CCDC141: variants seen among roughly 807,000 people sequenced by gnomAD.
CCDC141 encodes the protein coiled-coil domain-containing protein 141.
In CCDC141, 168 loss-of-function variants were observed where a neutral mutation model predicts 181.0. The observed-to-expected ratio is 0.93, with a 90% CI of 0.82 to 1.05. The LOEUF is 1.05. Among genes scored for constraint, CCDC141 ranks in the 50% least tolerant of loss-of-function variants. The probability of loss-of-function intolerance (pLI) is 0.00; values close to 1 mark genes in which losing one functional copy is unlikely to be tolerated. For missense variants in CCDC141, 1,902 were observed against 1,788.5 expected, an observed-to-expected ratio of 1.06 and a Z score of -1.14; for synonymous variants, 666 against 642.3, an observed-to-expected ratio of 1.04 and a Z score of -0.56.
chr2:178,940,022 T>C (rs1689444325), intron 6 of CCDC141, among the ~76,000 whole-genome samples: 1 of 152,106 alleles, frequency 6.6e-6, no homozygotes, highest in South Asian at 2.1e-4. Context: ...ATTTAATATG[T>C]TAAAAAGAAT....
intron 4 of CCDC141, among the ~76,000 whole-genome samples, chr2:178,969,820 A>C (rs1690804438): frequency 6.6e-6 from 1 of 152,250 alleles, no homozygotes; most frequent in South Asian, 2.1e-4. Context: ...AAATAGGAAG[A>C]GAAGAAGTCA....
intron 8 of CCDC141, among the ~76,000 whole-genome samples, chr2:178,897,381 A>G (rs1236113529): frequency 6.6e-6 from 1 of 152,230 alleles, no homozygotes; most frequent in Non-Finnish European, 1.5e-5. Context: ...CATGCACAAT[A>G]TCAACCAAAG....
intron 8 of CCDC141, among the ~76,000 whole-genome samples, chr2:178,903,381 G>T (rs1687799898): frequency 6.6e-6 from 1 of 152,012 alleles, no homozygotes; most frequent in Non-Finnish European, 1.5e-5. Flanking sequence ...TGATAGACTG[G>T]ATTAAGAAAA....
chr2:178,930,259 A>T lies in CCDC141; in HGVS notation c.898-11352T>A, dbSNP rs533331728. The stretch of plus-strand genomic sequence containing the variant: ...CCTAGGAATAAATTTAATCAAGGAG[A>T]TGGAAAACTTATACAAGGAAAATTA... On this transcript the variant is annotated intron_variant, in intron 6 of 23. Coordinates refer to ENST00000443758, the MANE Select transcript of CCDC141 (RefSeq NM_173648.4). Among the ~76,000 whole-genome samples, 8 of 152,232 alleles carry T rather than the reference A, an allele frequency of 5.3e-5. No individual in the cohort carries two copies. The East Asian group carries it at 1.5e-3, about 29-fold the overall frequency.
chr2:178,860,819 T>C (rs547543918), intron 17 of CCDC141, among the ~76,000 whole-genome samples: 1 of 152,156 alleles, frequency 6.6e-6, no homozygotes, highest in South Asian at 2.1e-4. Context: ...TCTTAAATTG[T>C]AGGTAGCAAC....
intron 22 of CCDC141, among the ~76,000 whole-genome samples, chr2:178,841,877 C>T (rs1267288297): frequency 6.6e-6 from 1 of 152,222 alleles, no homozygotes; most frequent in Non-Finnish European, 1.5e-5. Context: ...AGGCGATCTA[C>T]CCGCCTTGGC....
chr2:179,043,982 A>G (rs112530207), intron 2 of CCDC141, among the ~76,000 whole-genome samples: 5,515 of 152,354 alleles, frequency 0.036, 104 homozygotes, highest in South Asian at 0.058. Flanking sequence ...ATCAACGTGC[A>G]AAAACCGCTA....
chr2:179,022,709 A>C (rs188022037), intron 2 of CCDC141, among the ~76,000 whole-genome samples: 30 of 152,332 alleles, frequency 2.0e-4, no homozygotes, highest in African/African-American at 7.0e-4. Context: ...TGAGTCTACC[A>C]GGGTCATTTT....
In CCDC141 at chr2:178,905,339, C is replaced by A; in HGVS notation, c.1255G>T (p.Asp419Tyr). ...ATCAACTTTACTCACCTGCAGGAGTCTACTTGGCTGATTAAGGTTTGTCCC... is the reference window on the plus strand; with the variant it reads ...ATCAACTTTACTCACCTGCAGGAGTATACTTGGCTGATTAAGGTTTGTCCC... ...QKGQTLISQV[D>Y]SCSSQVSGIH... The change falls in exon 8 of 24, where the codon GAC becomes TAC. Residue 419 changes from aspartate (D) to tyrosine (Y), a missense_variant. Coordinates refer to ENST00000443758, the MANE Select transcript of CCDC141 (RefSeq NM_173648.4). The A allele has an allele frequency of 6.5e-7, 1 of 1,548,754 alleles. No homozygotes were observed. Among genetic ancestry groups the A allele is most frequent in the South Asian group, 1.2e-5 (1 of 83,430 alleles).
At position 178,833,463 on chromosome 2, in the gene CCDC141, T is replaced by C. The variant is rs914439458; in HGVS notation, c.*710A>G. Reference sequence around the variant, plus strand: ...CACATTGCTGCTCAAAACACATCAATAGAATGTCAGGAATAACGTTGGTTC... The same window carrying C: ...CACATTGCTGCTCAAAACACATCAACAGAATGTCAGGAATAACGTTGGTTC... On this transcript the variant is annotated 3_prime_UTR_variant, in exon 24 of 24. Transcript: ENST00000443758. 6.6e-6 allele frequency: 1 copy of C among 152,200 alleles called. No homozygotes were observed. Among genetic ancestry groups the C allele is most frequent in the African/African-American group, 2.4e-5 (1 of 41,448 alleles). The allele number at this position is 152,200 out of a possible 1,614,324, so 9.4% of individuals were successfully genotyped here. A position where few individuals can be genotyped will look rare whatever the true frequency, so the allele number is the denominator to read the frequency against.
intron 5 of CCDC141, among the ~76,000 whole-genome samples, chr2:178,960,900 G>T (rs960995817): frequency 2.0e-5 from 3 of 152,156 alleles, no homozygotes; most frequent in South Asian, 2.1e-4. Context: ...TAAGAAAATT[G>T]CAATTAACAT....
chr2:178,844,262 G>A (rs1684844069), intron 22 of CCDC141, among the ~76,000 whole-genome samples: 1 of 152,138 alleles, frequency 6.6e-6, no homozygotes, highest in Non-Finnish European at 1.5e-5. Context: ...TTAAGAAAAT[G>A]TGGTGCATTT....
chr2:178,820,110 C>A, the CCDC141 span, among the ~76,000 whole-genome samples: 8 of 152,306 alleles, frequency 5.3e-5, no homozygotes, highest in South Asian at 1.7e-3. Context: ...TGTTCCATAA[C>A]ACGGCAGTTG....
At chr2:178,947,605 G>GGT (rs934918387) in intron 5 of CCDC141, among the ~76,000 whole-genome samples, 6 of 152,050 alleles carry the variant, frequency 3.9e-5, no homozygotes, top group Non-Finnish European at 5.9e-5. Flanking sequence ...CTTTGTGTGT[G>GGT]GTGTGTGTGT....
At chr2:178,903,795 C>G (rs1687826752) in intron 8 of CCDC141, among the ~76,000 whole-genome samples, 1 of 151,424 alleles carries the variant, frequency 6.6e-6, no homozygotes. Flanking sequence ...AAGAAAGGAA[C>G]CTTTCCACAG....
At chr2:178,973,407 A>G (rs6751992) in intron 4 of CCDC141, among the ~76,000 whole-genome samples, 60,448 of 152,054 alleles carry the variant, frequency 0.4, 13,929 homozygotes, top group Non-Finnish European at 0.54. Flanking sequence ...CCTGTCTTCC[A>G]CTAGCATTTT....
chr2:179,031,584 A>G (rs1559060586), intron 2 of CCDC141, among the ~76,000 whole-genome samples: 1 of 151,952 alleles, frequency 6.6e-6, no homozygotes, highest in Non-Finnish European at 1.5e-5. Context: ...TAGATCATCA[A>G]TTTGAGACAT....
At chr2:178,817,793 T>TCTTC in the CCDC141 span, 3 of 218,290 alleles carry the variant, frequency 1.4e-5, no homozygotes, top group Non-Finnish European at 1.6e-5. Flanking sequence ...CTTCCTTCCT[T>TCTTC]CCTCCCTCCC....
At chr2:179,043,265 G>A (rs1286928201) in intron 2 of CCDC141, among the ~76,000 whole-genome samples, 1 of 152,096 alleles carries the variant, frequency 6.6e-6, no homozygotes, top group Non-Finnish European at 1.5e-5. Flanking sequence ...AGGACCAGGT[G>A]GATTCACAGT....
Sources: gnomAD v4.1 joint callset for allele counts (sites outside exome capture counted in the v4.1 genomes callset) on GRCh38, gnomAD v4.1.1 for gene constraint, MANE v1.5 for transcripts, NCBI Gene and HGNC (gene_info 2026-07-23, HGNC 2026-07-21) for gene names.